MPP7: variants seen among roughly 807,000 people sequenced by gnomAD.
MPP7 encodes MAGUK p55 subfamily member 7.
A neutral mutation model predicts 76.5 loss-of-function variants in MPP7; 60 were observed. The ratio of observed to expected loss-of-function variants is 0.78; its 90% confidence interval spans 0.64 to 0.97. The LOEUF (loss-of-function observed/expected upper bound fraction) is 0.97, where lower values mean the gene tolerates loss of function less well. Ranked by LOEUF, MPP7 falls within the 50% of genes least tolerant of loss-of-function variation. MPP7 has a pLI of 0.00. For synonymous variants in MPP7, 237 were observed against 244.5 expected (o/e 0.97, Z 0.29); for missense variants, 641 against 694.0 (o/e 0.92, Z 0.86).
At chr10:28,317,131 C>T (rs1834332003) in intron 2 of MPP7, among the ~76,000 whole-genome samples, 2 of 152,186 alleles carry the variant, frequency 1.3e-5, no homozygotes, top group Admixed American at 1.3e-4. Flanking sequence ...TATTCCAAAA[C>T]AAAGAGCATC....
At position 28,131,549 on chromosome 10, in the gene MPP7, C is replaced by T. The variant is rs931079921; in HGVS notation, c.447+11G>A. 5.7e-6 allele frequency: 9 copies of T among 1,574,348 alleles called. No homozygotes were observed. The highest frequency in any genetic ancestry group is 2.7e-5 in the African/African-American group (2 of 73,630). On this transcript the variant is annotated intron_variant, in intron 6 of 16. Coordinates refer to ENST00000683449, the MANE Select transcript of MPP7 (RefSeq NM_001318170.2). ...CATGGTATCTACTCATATCTGAGCACCAAAACTCACCAGTGGTTCTCTATT... is the reference window on the plus strand; with the variant it reads ...CATGGTATCTACTCATATCTGAGCATCAAAACTCACCAGTGGTTCTCTATT...
intron 13 of MPP7, among the ~76,000 whole-genome samples, chr10:28,064,073 C>T (rs904815013): frequency 2.0e-5 from 3 of 152,130 alleles, no homozygotes; most frequent in Non-Finnish European, 4.4e-5. Flanking sequence ...GCATTCCACT[C>T]CTACATAGTT....
chr10:28,142,239 A>T (rs886195569), intron 5 of MPP7, among the ~76,000 whole-genome samples: 7 of 152,214 alleles, frequency 4.6e-5, no homozygotes, highest in African/African-American at 1.7e-4. Flanking sequence ...TTAAAGAAAA[A>T]TAACTAAGGA....
chr10:28,168,225 A>C (rs1205576760), intron 3 of MPP7, among the ~76,000 whole-genome samples: 2 of 151,696 alleles, frequency 1.3e-5, no homozygotes, highest in Admixed American at 1.3e-4. Flanking sequence ...ACAGAGTGAG[A>C]CTCTGTCTAA....
intron 1 of MPP7, among the ~76,000 whole-genome samples, chr10:28,256,707 T>C (rs2132895090): frequency 6.6e-6 from 1 of 152,338 alleles, no homozygotes; most frequent in South Asian, 2.1e-4. Context: ...AGAAAAATCA[T>C]ACATTCTATT....
intron 3 of MPP7, among the ~76,000 whole-genome samples, chr10:28,199,224 T>C (rs1326334044): frequency 6.6e-6 from 1 of 152,132 alleles, no homozygotes; most frequent in Non-Finnish European, 1.5e-5. Flanking sequence ...ACAACACATA[T>C]GAATTAAGGG....
intron 1 of MPP7, among the ~76,000 whole-genome samples, chr10:28,258,310 C>T (rs986572614): frequency 4.8e-5 from 7 of 146,514 alleles, no homozygotes; most frequent in African/African-American, 1.8e-4. Context: ...TACAGTTTGC[C>T]TATATATACT....
chr10:28,114,014 C>T (rs1834584929), intron 11 of MPP7, among the ~76,000 whole-genome samples: 1 of 152,198 alleles, frequency 6.6e-6, no homozygotes. Context: ...GCCAGCTCCT[C>T]TCTCCAGTGT....
intron 7 of MPP7, 36 bp downstream of exon 7, chr10:28,124,974 G>C (rs1834970187): frequency 1.3e-6 from 2 of 1,556,836 alleles, no homozygotes; most frequent in Non-Finnish European, 1.8e-6. Flanking sequence ...CGAAACACGT[G>C]ATTAGTCTGT....
intron 1 of MPP7, among the ~76,000 whole-genome samples, chr10:28,251,450 A>G (rs528215032): frequency 6.6e-6 from 1 of 152,270 alleles, no homozygotes; most frequent in Admixed American, 6.5e-5. Flanking sequence ...TGACAGAACA[A>G]GGCCCTGTCT....
At position 28,116,398 on chromosome 10, in the gene MPP7, C is replaced by T. The variant is rs189471200; in HGVS notation, c.952+3253G>A. On this transcript the variant is annotated intron_variant, in intron 11 of 16. Transcript: ENST00000683449. ...CACAAGAAATGCAAGCTGCCAAGTTCCTGTCATGCAAAAGTACTCCTACAT... is the reference window on the plus strand; with the variant it reads ...CACAAGAAATGCAAGCTGCCAAGTTTCTGTCATGCAAAAGTACTCCTACAT... Among the ~76,000 whole-genome samples the T allele has an allele frequency of 6.2e-4, 94 of 152,194 alleles. No homozygotes were observed. The Middle Eastern group carries it at 0.01, about 17-fold the overall frequency.
intron 11 of MPP7, among the ~76,000 whole-genome samples, chr10:28,101,615 A>C (rs1394672470): frequency 1.3e-5 from 2 of 152,164 alleles, no homozygotes; most frequent in African/African-American, 4.8e-5. Flanking sequence ...GCAAGGGAAA[A>C]GTAGAGAAAG....
chr10:28,320,474 C>T (rs1035231329), intron 2 of MPP7, among the ~76,000 whole-genome samples: 5 of 151,702 alleles, frequency 3.3e-5, no homozygotes, highest in African/African-American at 1.2e-4. Context: ...AAAAGAGAGA[C>T]TATTTCCAAG....
chr10:28,105,452 G>A (rs1439301760), intron 11 of MPP7, among the ~76,000 whole-genome samples: 1 of 152,136 alleles, frequency 6.6e-6, no homozygotes, highest in Non-Finnish European at 1.5e-5. Flanking sequence ...TGTGGACTGC[G>A]ATGAACTGAA....
At chr10:28,108,588 C>T (rs1328888665) in intron 11 of MPP7, among the ~76,000 whole-genome samples, 2 of 151,610 alleles carry the variant, frequency 1.3e-5, no homozygotes, top group Admixed American at 1.3e-4. Flanking sequence ...GCCTGGGAGG[C>T]GGAGGTTGCA....
chr10:28,160,452 A>T (rs1280922220), intron 3 of MPP7, among the ~76,000 whole-genome samples: 2 of 152,226 alleles, frequency 1.3e-5, no homozygotes, highest in Non-Finnish European at 2.9e-5. Flanking sequence ...CAGCATGAGC[A>T]GTTTTACCCA....
In MPP7 at chr10:28,227,373, GTGTGCCATGGTGGTTTGC is replaced by G. The variant is rs140784230; in HGVS notation, c.37+11177_37+11194del. On this transcript the variant is annotated intron_variant, in intron 2 of 16. Coordinates refer to ENST00000683449, the MANE Select transcript of MPP7 (RefSeq NM_001318170.2). ...GTACAGGTTTGTTACATAGGTAAAC[GTGTGCCATGGTGGTTTGC>G]TGCACCTATCAACCCATCACCTAGG... is the stretch of plus-strand genomic sequence containing the variant. 9.8e-3 allele frequency among the ~76,000 whole-genome samples: 1,499 copies of G among 152,184 alleles called. 22 individuals carry two copies. The highest frequency in any genetic ancestry group is 0.064 in the East Asian group (332 of 5,174).
intron 1 of MPP7, among the ~76,000 whole-genome samples, chr10:28,281,654 T>C (rs1007313127): frequency 2.6e-5 from 4 of 152,108 alleles, no homozygotes; most frequent in African/African-American, 9.7e-5. Flanking sequence ...TGACCTTTGG[T>C]ATGTGCCAGG....
At chr10:28,224,048 T>C (rs1239272856) in intron 2 of MPP7, among the ~76,000 whole-genome samples, 1 of 151,188 alleles carries the variant, frequency 6.6e-6, no homozygotes, top group Non-Finnish European at 1.5e-5. Flanking sequence ...ATACAAAAAT[T>C]AGCGTACACG....
Sources: gnomAD v4.1 joint callset for allele counts (sites outside exome capture counted in the v4.1 genomes callset) on GRCh38, gnomAD v4.1.1 for gene constraint, MANE v1.5 for transcripts, NCBI Gene and HGNC (gene_info 2026-07-23, HGNC 2026-07-21) for gene names.